TAF1B: variants seen among roughly 807,000 people sequenced by gnomAD.
The protein encoded by TAF1B is TATA box-binding protein-associated factor RNA polymerase I subunit B.
In TAF1B, 61 loss-of-function variants were observed where a neutral mutation model predicts 83.9. The observed-to-expected ratio is 0.73, with a 90% CI of 0.59 to 0.90. TAF1B has a LOEUF of 0.90. TAF1B is among the 40% of genes least tolerant of loss of function. The pLI is 0.00. For synonymous variants in TAF1B, 221 were observed against 224.6 expected (o/e 0.98, Z 0.14); for missense variants, 625 against 677.0 (o/e 0.92, Z 0.85).
At chr2:9,897,569 C>T (rs964527055) in intron 8 of TAF1B, among the ~76,000 whole-genome samples, 1 of 152,204 alleles carries the variant, frequency 6.6e-6, no homozygotes, top group African/African-American at 2.4e-5. Context: ...GTCAGCCAAA[C>T]CCACTGCGTG....
At chr2:9,853,348 A>G (rs1663460542) in intron 4 of TAF1B, among the ~76,000 whole-genome samples, 1 of 152,238 alleles carries the variant, frequency 6.6e-6, no homozygotes, top group African/African-American at 2.4e-5. Flanking sequence ...ATCTTGGACA[A>G]GTTATTCAGT....
intron 5 of TAF1B, 83 bp from the exon 6 acceptor site, chr2:9,868,191 TTG>T (rs1389469822): frequency 1.4e-6 from 2 of 1,428,730 alleles, no homozygotes; most frequent in Non-Finnish European, 1.9e-6. Context: ...TTTAGGGTGT[TTG>T]TGATAGGAGT....
intron 2 of TAF1B, among the ~76,000 whole-genome samples, chr2:9,847,406 T>C (rs1663240256): frequency 6.6e-6 from 1 of 152,210 alleles, no homozygotes; most frequent in African/African-American, 2.4e-5. Context: ...AGGGGCTCCC[T>C]GGAGCTGAGC....
chr2:9,900,453 T>C (rs1009466920), intron 8 of TAF1B, among the ~76,000 whole-genome samples: 53 of 152,284 alleles, frequency 3.5e-4, no homozygotes, highest in African/African-American at 1.2e-3. Flanking sequence ...GGAGGATCAC[T>C]TGAGCCCAGG....
rs1666305161 is a variant in TAF1B, at chr2:9,934,186, A to G, written c.*202A>G. The G allele has an allele frequency of 8.3e-6, 4 of 482,318 alleles. No individual in the cohort carries two copies. The highest frequency in any genetic ancestry group is 3.6e-5 in the Admixed American group (1 of 27,752). 29.9% of individuals were successfully genotyped at this position (482,318 alleles called of 1,614,324 possible). A position where few individuals can be genotyped will look rare whatever the true frequency, so the allele number is the denominator to read the frequency against. ...TTCATTTGATTTTATTTTTCAGAGTATGAACATTCTAAGAGAAAGTTAAAA... is the reference window on the plus strand; with the variant it reads ...TTCATTTGATTTTATTTTTCAGAGTGTGAACATTCTAAGAGAAAGTTAAAA... On this transcript the variant is annotated 3_prime_UTR_variant, in exon 15 of 15. Coordinates refer to ENST00000263663, the MANE Select transcript of TAF1B (RefSeq NM_005680.3).
Position 9,919,749 on chromosome 2 carries a change from G to C in TAF1B, c.1494G>C (p.Leu498=), listed in dbSNP as rs752797288. Residue 498 remains leucine (L), a synonymous_variant, in exon 14 of 15, where the codon CTG becomes CTC. Transcript: ENST00000263663. ...CFHGHSLQGV[L]KEKGQSLLTK... is the part of the protein sequence containing the mutation. Reference sequence around the variant, plus strand: ...ATGGACACAGCCTTCAGGGAGTCCTGAAAGAGAAAGGCCAATCACTGCTGA... The same window carrying C: ...ATGGACACAGCCTTCAGGGAGTCCTCAAAGAGAAAGGCCAATCACTGCTGA... 12 of 1,614,054 alleles carry C rather than the reference G, an allele frequency of 7.4e-6. No homozygotes were observed. Among genetic ancestry groups the C allele is most frequent in the South Asian group, 1.1e-5 (1 of 91,092 alleles).
chr2:9,933,858 C>T lies in TAF1B; in HGVS notation c.1641C>T (p.Ser547=). 1.2e-6 allele frequency: 2 copies of T among 1,613,856 alleles called. No individual in the cohort carries two copies. The highest frequency in any genetic ancestry group is 2.2e-5 in the South Asian group (2 of 91,066). The change falls in exon 15 of 15, where the codon TCC becomes TCT. Residue 547 remains serine (S), a synonymous_variant. Transcript: ENST00000263663. ...LSYQFILNLF[S]FLLRIKTSLL... ...ATCAGTTTATACTAAATCTCTTCTC[C>T]TTCCTGCTCAGAATAAAGACTTCCC...
chr2:9,856,261 A>C (rs142037483), intron 5 of TAF1B, among the ~76,000 whole-genome samples: 1 of 151,760 alleles, frequency 6.6e-6, no homozygotes, highest in African/African-American at 2.4e-5. Flanking sequence ...GTTAAATGTT[A>C]TCCTGGCGGG....
At chr2:9,904,398 G>C (rs1665280326) in intron 8 of TAF1B, among the ~76,000 whole-genome samples, 1 of 152,086 alleles carries the variant, frequency 6.6e-6, no homozygotes, top group Non-Finnish European at 1.5e-5. Flanking sequence ...TAAGATAATG[G>C]CCTCCAGCTC....
At chr2:9,882,893 G>A (rs1055995654) in intron 8 of TAF1B, 88 bp downstream of exon 8, 77 of 945,476 alleles carry the variant, frequency 8.1e-5, no homozygotes, top group Non-Finnish European at 1.2e-4. Context: ...CTTATTATTT[G>A]GTGTTTTGTG....
chr2:9,876,533 G>A (rs1205197269), intron 7 of TAF1B, among the ~76,000 whole-genome samples: 2 of 152,144 alleles, frequency 1.3e-5, no homozygotes, highest in Non-Finnish European at 2.9e-5. Flanking sequence ...AGAGTGTTTT[G>A]GTTAATGAAT....
chr2:9,912,002 C>A (rs758204596), intron 11 of TAF1B, among the ~76,000 whole-genome samples: 1 of 152,232 alleles, frequency 6.6e-6, no homozygotes, highest in Non-Finnish European at 1.5e-5. Context: ...CTGGTCTTCA[C>A]ACCTATCCAC....
intron 5 of TAF1B, among the ~76,000 whole-genome samples, chr2:9,861,321 G>C (rs900890153): frequency 6.6e-6 from 1 of 152,262 alleles, no homozygotes; most frequent in Non-Finnish European, 1.5e-5. Context: ...GGCTTGGAGG[G>C]TGCTATGCCC....
chr2:9,885,288 T>C (rs1002623511), intron 8 of TAF1B, among the ~76,000 whole-genome samples: 1 of 152,220 alleles, frequency 6.6e-6, no homozygotes, highest in Non-Finnish European at 1.5e-5. Flanking sequence ...CTGTTTATCA[T>C]GCAGAGGTTT....
intron 10 of TAF1B, 47 bp downstream of exon 10, chr2:9,910,960 T>A (rs1472482405): frequency 1.3e-6 from 2 of 1,521,924 alleles, no homozygotes; most frequent in African/African-American, 2.8e-5. Context: ...ATGGTGCTGA[T>A]CTTAGTTTTT....
chr2:9,845,114 T>A, intron 1 of TAF1B, 106 bp from the exon 2 acceptor site: 1 of 688,782 alleles, frequency 1.5e-6, no homozygotes, highest in Non-Finnish European at 2.4e-6. Context: ...TATGATTTTT[T>A]ATTAATAAAG....
chr2:9,878,236 AT>A (rs1193952762), intron 7 of TAF1B, among the ~76,000 whole-genome samples: 3 of 141,550 alleles, frequency 2.1e-5, no homozygotes, highest in Non-Finnish European at 4.7e-5. Flanking sequence ...TTTTTTTTTA[AT>A]TGTTTATTTT....
At chr2:9,924,030 G>GT (rs748081041) in intron 14 of TAF1B, among the ~76,000 whole-genome samples, 2 of 152,208 alleles carry the variant, frequency 1.3e-5, no homozygotes, top group African/African-American at 2.4e-5. Context: ...AATGCAGTGA[G>GT]TTATACATAG....
At chr2:9,859,786 C>T (rs926746121) in intron 5 of TAF1B, among the ~76,000 whole-genome samples, 4 of 152,200 alleles carry the variant, frequency 2.6e-5, no homozygotes, top group Non-Finnish European at 5.9e-5. Flanking sequence ...ACTGTTCCAA[C>T]CCCTGCTTGT....
Sources: allele counts gnomAD v4.1 joint callset (sites outside exome capture counted in the v4.1 genomes callset), GRCh38; gene constraint gnomAD v4.1.1; transcripts MANE v1.5; gene names NCBI Gene and HGNC (gene_info 2026-07-23, HGNC 2026-07-21).